FGF10: variants seen among roughly 807,000 people sequenced by gnomAD.
FGF10 encodes FGF-10.
FGF10 carries 2 observed loss-of-function variants against 19.8 expected under a neutral mutation model. The ratio of observed to expected loss-of-function variants is 0.10; its 90% CI spans 0.04 to 0.32. The LOEUF (loss-of-function observed/expected upper bound fraction) is 0.32. FGF10 is among the 10% of genes least tolerant of loss of function. FGF10 has a pLI of 1.00. For missense variants in FGF10, 191 were observed against 246.3 expected (o/e 0.78, Z 1.50); for synonymous variants, 112 against 94.0 (o/e 1.19, Z -1.10).
chr5:44,312,374 A>G lies in FGF10; in HGVS notation c.326-1844T>C, dbSNP rs17234471. Among the ~76,000 whole-genome samples, 15 of 152,258 alleles carry G rather than the reference A, an allele frequency of 9.9e-5. No individual in the cohort carries two copies. The South Asian group carries it at 2.9e-3, about 29-fold the overall frequency. On this transcript the variant is annotated intron_variant, in intron 1 of 2. Coordinates refer to ENST00000264664, the MANE Select transcript of FGF10 (RefSeq NM_004465.2). ...GGTGGTAAGGTGATAAAGGTCGGTA[A>G]TAATGGATGTTAACACTTAAGCCTC...
At chr5:44,314,980 A>C (rs958090643) in intron 1 of FGF10, among the ~76,000 whole-genome samples, 1 of 152,050 alleles carries the variant, frequency 6.6e-6, no homozygotes, top group Non-Finnish European at 1.5e-5. Flanking sequence ...CCTTCTATCC[A>C]CTCCTAGATA....
At chr5:44,310,557 A>G in intron 1 of FGF10, 27 bp from the exon 2 acceptor site, 1 of 1,450,870 alleles carries the variant, frequency 6.9e-7, no homozygotes, top group Non-Finnish European at 9.7e-7. Flanking sequence ...TAAAAGGCTA[A>G]ATAAAGAATC....
At chr5:44,352,922 C>T (rs978997898) in intron 1 of FGF10, among the ~76,000 whole-genome samples, 2 of 151,498 alleles carry the variant, frequency 1.3e-5, no homozygotes, top group Non-Finnish European at 3.0e-5. Flanking sequence ...TTCAGTCTTC[C>T]TAATATTATA....
At chr5:44,377,857 C>A (rs1741901233) in intron 1 of FGF10, among the ~76,000 whole-genome samples, 1 of 152,122 alleles carries the variant, frequency 6.6e-6, no homozygotes, top group Non-Finnish European at 1.5e-5. Context: ...TATTTTAAAT[C>A]ATTTTGTTCA....
chr5:44,382,809 A>AAAT, intron 1 of FGF10, among the ~76,000 whole-genome samples: 1 of 152,168 alleles, frequency 6.6e-6, no homozygotes, highest in Admixed American at 6.5e-5. Context: ...CTGTAAAATA[A>AAAT]AATAGATTTA....
intron 1 of FGF10, among the ~76,000 whole-genome samples, chr5:44,334,415 G>A (rs1195953386): frequency 6.6e-6 from 1 of 151,942 alleles, no homozygotes; most frequent in Non-Finnish European, 1.5e-5. Flanking sequence ...GGCTCTCCCA[G>A]GTCACTTAAA....
At chr5:44,338,730 C>A (rs1056445646) in intron 1 of FGF10, among the ~76,000 whole-genome samples, 5 of 152,108 alleles carry the variant, frequency 3.3e-5, no homozygotes, top group Non-Finnish European at 7.4e-5. Flanking sequence ...TCAGAATTTC[C>A]CCAACAGCTG....
At chr5:44,360,259 GT>G in intron 1 of FGF10, among the ~76,000 whole-genome samples, 1 of 151,718 alleles carries the variant, frequency 6.6e-6, no homozygotes, top group South Asian at 2.1e-4. Flanking sequence ...TCACTTAATT[GT>G]TTAAAATATA....
At chr5:44,324,880 A>G (rs1274184029) in intron 1 of FGF10, among the ~76,000 whole-genome samples, 2 of 152,212 alleles carry the variant, frequency 1.3e-5, no homozygotes, top group Non-Finnish European at 2.9e-5. Context: ...GTTTCATACT[A>G]TTCAATTTCT....
intron 1 of FGF10, among the ~76,000 whole-genome samples, chr5:44,358,387 T>C (rs1005708315): frequency 1.3e-5 from 2 of 151,520 alleles, no homozygotes; most frequent in African/African-American, 4.8e-5. Context: ...GGAATTTATG[T>C]TCAAGATTTG....
In FGF10 at chr5:44,302,470, C is replaced by T. The variant is rs772559101; in HGVS notation, c.*2525G>A. ...AACTCCTGGGCCCAAGAGATCCTTC[C>T]GTTTCAGCCTCCTGAGTAGTTGGGA... On this transcript the variant is annotated 3_prime_UTR_variant, in exon 3 of 3. Coordinates refer to ENST00000264664, the MANE Select transcript of FGF10 (RefSeq NM_004465.2). Among the ~76,000 whole-genome samples, 40 of 152,052 alleles carry T rather than the reference C, an allele frequency of 2.6e-4. No homozygotes were observed. Among genetic ancestry groups the T allele is most frequent in the Non-Finnish European group, 2.9e-4 (20 of 67,968 alleles).
intron 1 of FGF10, among the ~76,000 whole-genome samples, chr5:44,313,039 A>AT (rs568617736): frequency 1.9e-3 from 281 of 151,820 alleles, no homozygotes; most frequent in Middle Eastern, 6.8e-3. Context: ...TCAATCAACC[A>AT]TTTTTTTTCC....
At chr5:44,343,096 T>G (rs1741005479) in intron 1 of FGF10, among the ~76,000 whole-genome samples, 1 of 152,016 alleles carries the variant, frequency 6.6e-6, no homozygotes, top group Non-Finnish European at 1.5e-5. Context: ...AGTTTATAGT[T>G]CATGACAGGC....
intron 1 of FGF10, among the ~76,000 whole-genome samples, chr5:44,317,214 C>G (rs913180943): frequency 6.6e-6 from 1 of 152,106 alleles, no homozygotes; most frequent in African/African-American, 2.4e-5. Context: ...CTCTATCTTC[C>G]ACAGTTCTGT....
chr5:44,334,187 T>G (rs1028778835), intron 1 of FGF10, among the ~76,000 whole-genome samples: 8 of 152,112 alleles, frequency 5.3e-5, no homozygotes, highest in African/African-American at 1.9e-4. Context: ...TGCCCCATTT[T>G]TTTATTTTGA....
chr5:44,366,874 T>C (rs763045492), intron 1 of FGF10, among the ~76,000 whole-genome samples: 2 of 152,024 alleles, frequency 1.3e-5, no homozygotes, highest in African/African-American at 4.8e-5. Flanking sequence ...AGATAATATT[T>C]CAAGTTCTGA....
intron 1 of FGF10, among the ~76,000 whole-genome samples, chr5:44,370,573 C>CAA (rs1459434408): frequency 6.6e-6 from 1 of 152,036 alleles, no homozygotes; most frequent in Non-Finnish European, 1.5e-5. Flanking sequence ...ACTCAGTAGA[C>CAA]AAAGAGTGTT....
intron 1 of FGF10, among the ~76,000 whole-genome samples, chr5:44,349,049 T>A (rs1741155696): frequency 6.6e-6 from 1 of 151,478 alleles, no homozygotes; most frequent in Non-Finnish European, 1.5e-5. Context: ...AGACTTTGCT[T>A]AACATTTGCA....
chr5:44,306,448 T>G (rs1028047659), intron 2 of FGF10, among the ~76,000 whole-genome samples: 9 of 152,126 alleles, frequency 5.9e-5, no homozygotes, highest in African/African-American at 2.2e-4. Flanking sequence ...CTTCTTTTCT[T>G]ATACTCAAAC....
Sources: allele counts gnomAD v4.1 joint callset (sites outside exome capture counted in the v4.1 genomes callset), GRCh38; gene constraint gnomAD v4.1.1; transcripts MANE v1.5; gene names NCBI Gene and HGNC (gene_info 2026-07-23, HGNC 2026-07-21).